The following PRPF3 variants were observed in gnomAD, a reference collection of about 807,000 sequenced individuals.
PRPF3 encodes pre-mRNA processing factor 3.
In PRPF3, 3 loss-of-function variants were observed where a neutral mutation model predicts 89.2. The observed-to-expected ratio is 0.03, with a 90% CI of 0.02 to 0.09. The LOEUF (loss-of-function observed/expected upper bound fraction) is 0.09. PRPF3 is among the 10% of genes least tolerant of loss of function. The pLI is 1.00. For synonymous variants in PRPF3, 270 were observed against 289.1 expected, an observed-to-expected ratio of 0.93 and a Z score of 0.67; for missense variants, 463 against 828.8, an observed-to-expected ratio of 0.56 and a Z score of 5.42.
chr1:150,338,673 C>G (rs1449755514), intron 8 of PRPF3, among the ~76,000 whole-genome samples: 3 of 152,044 alleles, frequency 2.0e-5, no homozygotes, highest in Admixed American at 6.6e-5. Flanking sequence ...TGCCACCATG[C>G]CCATCTGCTT....
chr1:150,352,814 TTA>T lies in PRPF3; in HGVS notation c.1906-13_1906-12del, dbSNP rs1560126612. ...TAAATAAGAAATTGAAGTGTTTTTATTATATATCTCTTTTCTAGGGTACAGCC... is the reference window on the plus strand; with the variant it reads ...TAAATAAGAAATTGAAGTGTTTTTATTATATCTCTTTTCTAGGGTACAGCC... On this transcript the variant is annotated splice_polypyrimidine_tract_variant and intron_variant, in intron 15 of 15. Coordinates refer to ENST00000324862, the MANE Select transcript of PRPF3 (RefSeq NM_004698.4). 1 of 1,612,308 alleles carries T rather than the reference TTA, an allele frequency of 6.2e-7. No homozygotes were observed. The highest frequency in any genetic ancestry group is 1.3e-5 in the African/African-American group (1 of 74,966).
chr1:150,330,531 A>G (rs1656235399), intron 4 of PRPF3: 1 of 148,986 alleles, frequency 6.7e-6, no homozygotes, highest in South Asian at 2.1e-4. Flanking sequence ...AATTTTTTGT[A>G]TTTTTAGTAG....
chr1:150,331,795 A>G (rs1003780464), intron 4 of PRPF3, among the ~76,000 whole-genome samples: 22 of 152,236 alleles, frequency 1.4e-4, no homozygotes, highest in Non-Finnish European at 2.9e-4. Context: ...TTGTTTGGCC[A>G]TACCCTCAAA....
chr1:150,345,868 C>CT lies in PRPF3; in HGVS notation c.1641-149dup. The CT allele has an allele frequency of 5.3e-6, 4 of 748,480 alleles. No homozygotes were observed. In the East Asian group the frequency reaches 9.9e-5, roughly 18 times the overall value. The allele number at this position is 748,480 out of a possible 1,614,324, so 46.4% of individuals were successfully genotyped here. On this transcript the variant is annotated intron_variant, in intron 12 of 15. Coordinates refer to ENST00000324862, the MANE Select transcript of PRPF3 (RefSeq NM_004698.4). ...GGAAATATTTCTAGACTCATCAACT[C>CT]TACCTTTTAAGCATTCATCTATTTG... is the stretch of plus-strand genomic sequence containing the variant.
chr1:150,347,125 C>T (rs1411770165), intron 14 of PRPF3, among the ~76,000 whole-genome samples: 1 of 151,386 alleles, frequency 6.6e-6, no homozygotes, highest in Non-Finnish European at 1.5e-5. Context: ...GTAAGCTATA[C>T]ATTCATGTGT....
chr1:150,332,565 T>C (rs1180829846), intron 4 of PRPF3, 119 bp from the exon 5 acceptor site: 1 of 958,020 alleles, frequency 1.0e-6, no homozygotes, highest in African/African-American at 1.6e-5. Flanking sequence ...CAGAATGTGG[T>C]ATAGTCATTC....
chr1:150,346,578 G>C, intron 14 of PRPF3, 87 bp downstream of exon 14: 2 of 1,338,640 alleles, frequency 1.5e-6, no homozygotes, highest in Non-Finnish European at 2.1e-6. Context: ...TCCTCCCTGT[G>C]ACACTCTTGA....
intron 8 of PRPF3, among the ~76,000 whole-genome samples, chr1:150,338,809 C>T (rs1251165903): frequency 2.6e-5 from 4 of 152,116 alleles, no homozygotes; most frequent in Admixed American, 2.6e-4. Context: ...GCCACTGCAC[C>T]TGGCCAAGCT....
At chr1:150,352,071 G>A (rs975554634) in intron 15 of PRPF3, among the ~76,000 whole-genome samples, 2 of 152,044 alleles carry the variant, frequency 1.3e-5, no homozygotes, top group African/African-American at 4.8e-5. Flanking sequence ...ATGCCATTCT[G>A]CCCAGTACTG....
intron 4 of PRPF3, chr1:150,330,421 T>G (rs1454622998): frequency 6.6e-6 from 1 of 152,596 alleles, no homozygotes; most frequent in Non-Finnish European, 1.5e-5. Context: ...GGTGGCGCGT[T>G]CTCGGCTCAC....
rs1553872385 is a variant in PRPF3 at position 150,344,530 on chromosome 1, A to G, written c.1623A>G (p.Val541=). 1 of 1,614,114 alleles carries G rather than the reference A, an allele frequency of 6.2e-7. No individual in the cohort carries two copies. Among genetic ancestry groups the G allele is most frequent in the East Asian group, 2.2e-5 (1 of 44,886 alleles). The part of the protein sequence containing the change: ...KKLKEDISQG[V]HISVYRVRNL... ...TTAAAGAAGACATTTCACAGGGGGTACACATATCTGTATATAGGTAGGTGT... is the reference window on the plus strand; with the variant it reads ...TTAAAGAAGACATTTCACAGGGGGTGCACATATCTGTATATAGGTAGGTGT... Residue 541 remains valine (V), a synonymous_variant, in exon 12 of 16, where the codon GTA becomes GTG. Transcript: ENST00000324862.
intron 15 of PRPF3, among the ~76,000 whole-genome samples, 176 bp downstream of exon 15, chr1:150,349,394 TTTAA>T (rs1658660086): frequency 6.6e-6 from 1 of 152,252 alleles, no homozygotes; most frequent in African/African-American, 2.4e-5. Flanking sequence ...TGATCATCTG[TTTAA>T]TTAAATTCGT....
chr1:150,346,200 T>C, intron 13 of PRPF3, 64 bp downstream of exon 13: 1 of 1,438,878 alleles, frequency 6.9e-7, no homozygotes, highest in African/African-American at 1.4e-5. Context: ...TGATTAGCAT[T>C]GTGGGGAGAA....
chr1:150,343,878 G>T (rs1658029567), intron 10 of PRPF3, among the ~76,000 whole-genome samples: 1 of 152,170 alleles, frequency 6.6e-6, no homozygotes. Context: ...TCTTTCACTA[G>T]ATGCTGTGAT....
At chr1:150,345,277 T>C (rs1658160569) in intron 12 of PRPF3, among the ~76,000 whole-genome samples, 1 of 152,114 alleles carries the variant, frequency 6.6e-6, no homozygotes, top group East Asian at 1.9e-4. Flanking sequence ...AGGTAATTGC[T>C]ATTAACAGTT....
intron 7 of PRPF3, among the ~76,000 whole-genome samples, chr1:150,336,951 G>A (rs1657071242): frequency 2.0e-5 from 3 of 151,628 alleles, no homozygotes; most frequent in Admixed American, 2.0e-4. Context: ...AATTTAATGA[G>A]ACAGTACACC....
At chr1:150,327,540 T>C in intron 3 of PRPF3, 1 of 982,308 alleles carries the variant, frequency 1.0e-6, no homozygotes, top group Non-Finnish European at 1.2e-6. Flanking sequence ...GGGAGAGTCC[T>C]TTTTCTTGAA....
chr1:150,327,572 C>T, intron 3 of PRPF3: 1 of 985,756 alleles, frequency 1.0e-6, no homozygotes, highest in South Asian at 4.7e-5. Flanking sequence ...CCAGGAAGCG[C>T]TCGCCCCTGG....
chr1:150,339,524 C>T (rs1321301597), intron 8 of PRPF3, among the ~76,000 whole-genome samples: 2 of 151,700 alleles, frequency 1.3e-5, no homozygotes, highest in Non-Finnish European at 2.9e-5. Flanking sequence ...ACAGCCTCCG[C>T]CTCCTGGGTT....
Sources: allele counts gnomAD v4.1 joint callset (sites outside exome capture counted in the v4.1 genomes callset), GRCh38; gene constraint gnomAD v4.1.1; transcripts MANE v1.5; gene names NCBI Gene and HGNC (gene_info 2026-07-23, HGNC 2026-07-21).